The following CAMKK2 variants were observed in gnomAD, a reference collection of about 807,000 sequenced individuals.
CAMKK2 encodes calcium/calmodulin-dependent protein kinase kinase 2.
CAMKK2 carries 30 observed loss-of-function variants against 67.2 expected under a neutral mutation model. The ratio of observed to expected loss-of-function variants is 0.45; its 90% confidence interval spans 0.33 to 0.61. The LOEUF (loss-of-function observed/expected upper bound fraction) is 0.61. CAMKK2 is among the 20% of genes least tolerant of loss of function. CAMKK2 has a pLI of 0.02. For synonymous variants in CAMKK2, 322 were observed against 326.2 expected (o/e 0.99, Z 0.14); for missense variants, 643 against 802.0 (o/e 0.80, Z 2.39).
At chr12:121,297,535 T>G (rs749219328), upstream of CAMKK2, 11 of 498,914 alleles carry the variant, frequency 2.2e-5, no homozygotes, top group Non-Finnish European at 4.0e-5. Flanking sequence ...TTTTTGGCAC[T>G]TACTTTGCTG....
intron 14 of CAMKK2, 105 bp downstream of exon 14, chr12:121,248,501 C>T (rs543187329): frequency 5.9e-6 from 8 of 1,366,946 alleles, no homozygotes; most frequent in Non-Finnish European, 8.2e-6. Context: ...GGGTGGCCCC[C>T]GGACATCTGA....
Position 121,240,705 on chromosome 12 carries a change from G to C in CAMKK2, c.1761C>G (p.Pro587=), listed in dbSNP as rs760249050. Residue 587 remains proline (P), a synonymous_variant, in exon 17 of 17, where the codon CCC becomes CCG. Coordinates refer to ENST00000404169, the MANE Select transcript of CAMKK2 (RefSeq NM_001270485.2). The surrounding 1 kb of genome is among the most constrained non-coding windows in gnomAD (Gnocchi z 4.4). ...GGTCGAGCGATCCAGGCAGCTACTC[G>C]GGCTCCATGGCCTCCTCCGGCCGCA... The part of the protein sequence containing the change: ...HPLRPEEAME[P]E 2 of 1,601,184 alleles carry C rather than the reference G, an allele frequency of 1.2e-6. No individual in the cohort carries two copies. The highest frequency in any genetic ancestry group is 1.7e-6 in the Non-Finnish European group (2 of 1,176,700).
Position 121,255,535 on chromosome 12 carries a change from G to T in CAMKK2, c.907+15C>A. On this transcript the variant is annotated intron_variant, in intron 9 of 16. Coordinates refer to ENST00000404169, the MANE Select transcript of CAMKK2 (RefSeq NM_001270485.2). ...CTACCCACTGGGTGAGAGCCCTCCC[G>T]CAGGCCCTGCTCACAGTACTCGATG... The T allele has an allele frequency of 6.3e-7, 1 of 1,599,146 alleles. No homozygotes were observed. Among genetic ancestry groups the T allele is most frequent in the Non-Finnish European group, 8.5e-7 (1 of 1,171,226 alleles).
intron 2 of CAMKK2, among the ~76,000 whole-genome samples, chr12:121,273,260 T>C (rs1361168094): frequency 6.6e-6 from 1 of 151,788 alleles, no homozygotes; most frequent in South Asian, 2.1e-4. Context: ...CTTACAAAGT[T>C]GGCATGGGGT....
At chr12:121,290,889 G>A (rs1054858554) in intron 1 of CAMKK2, among the ~76,000 whole-genome samples, 5 of 152,106 alleles carry the variant, frequency 3.3e-5, no homozygotes, top group Non-Finnish European at 7.4e-5. Context: ...CACTGACCTC[G>A]GCTCACTGCA....
intron 8 of CAMKK2, 29 bp downstream of exon 8, chr12:121,255,754 T>C (rs777164075): frequency 7.4e-6 from 12 of 1,613,242 alleles, no homozygotes; most frequent in Non-Finnish European, 1.0e-5. Flanking sequence ...GCTTCTTGCA[T>C]CACCCCTGCT....
intron 7 of CAMKK2, among the ~76,000 whole-genome samples, chr12:121,258,919 T>C (rs933464417): frequency 6.0e-5 from 9 of 151,258 alleles, no homozygotes; most frequent in Admixed American, 5.3e-4. Flanking sequence ...CTTGGCTCAC[T>C]GCAACCTCCG....
chr12:121,241,724 T>A, intron 16 of CAMKK2, among the ~76,000 whole-genome samples: 1 of 152,238 alleles, frequency 6.6e-6, no homozygotes, highest in Non-Finnish European at 1.5e-5. Flanking sequence ...AAGCGTGATG[T>A]CTGGCTTGCT....
intron 1 of CAMKK2, among the ~76,000 whole-genome samples, chr12:121,284,060 ACGGCCCACGCCCTCCCCT>A (rs1234947050): frequency 2.0e-5 from 3 of 152,328 alleles, no homozygotes; most frequent in South Asian, 2.1e-4. Context: ...GCTGCCTGCC[ACGGCCCACGCCCTCCCCT>A]CGGCCCACAT....
In CAMKK2 at chr12:121,250,029, T is replaced by A; in HGVS notation, c.1167A>T (p.Pro389=). The change falls in exon 12 of 17, where the codon CCA becomes CCT. Residue 389 remains proline (P), a synonymous_variant. Transcript: ENST00000404169. ...TLYCFVFGQC[P]FMDERIMCLH... is the part of the protein sequence containing the mutation. ...AACACATGATCCGCTCGTCCATGAA[T>A]GGGCACTGCAAAGAGGCCAGGGACA... 1 of 1,612,338 alleles carries A rather than the reference T, an allele frequency of 6.2e-7. No individual in the cohort carries two copies. Among genetic ancestry groups the A allele is most frequent in the Non-Finnish European group, 8.5e-7 (1 of 1,179,168 alleles).
intron 6 of CAMKK2, among the ~76,000 whole-genome samples, chr12:121,260,952 C>CAA (rs1056645998): frequency 0.011 from 1,019 of 91,990 alleles, 16 homozygotes; most frequent in African/African-American, 0.035. Flanking sequence ...GACTCTGTCT[C>CAA]AAAAAAAAAA....
At chr12:121,263,992 A>T in intron 5 of CAMKK2, 53 bp from the exon 6 acceptor site, 1 of 1,483,646 alleles carries the variant, frequency 6.7e-7, no homozygotes, top group South Asian at 1.3e-5. Context: ...TTTCCTCCGC[A>T]GAGGGCAGCT....
At chr12:121,294,409 A>C (rs1049893323) in intron 1 of CAMKK2, among the ~76,000 whole-genome samples, 1 of 152,224 alleles carries the variant, frequency 6.6e-6, no homozygotes, top group Non-Finnish European at 1.5e-5. Flanking sequence ...CCGGATGAGA[A>C]CTAGTGCATT....
chr12:121,291,795 C>T (rs1174812099), intron 1 of CAMKK2, among the ~76,000 whole-genome samples: 2 of 152,128 alleles, frequency 1.3e-5, no homozygotes, highest in Non-Finnish European at 2.9e-5. Flanking sequence ...TGGTGGCTCA[C>T]GCCTGTAATC....
At chr12:121,255,337 TA>T (rs1891951837) in intron 9 of CAMKK2, among the ~76,000 whole-genome samples, 1 of 26,030 alleles carries the variant, frequency 3.8e-5, no homozygotes, top group African/African-American at 1.5e-4. Context: ...TAATTATATA[TA>T]ATTTTATATA....
chr12:121,248,412 T>A (rs1459445566), intron 14 of CAMKK2, among the ~76,000 whole-genome samples, 194 bp downstream of exon 14: 1 of 152,170 alleles, frequency 6.6e-6, no homozygotes, highest in Non-Finnish European at 1.5e-5. Flanking sequence ...TATGGTAACA[T>A]GGAACCTGGC....
rs1888081689 is a variant in CAMKK2, at chr12:121,240,149, T to A, written c.*550A>T. 3 of 390,342 alleles carry A rather than the reference T, an allele frequency of 7.7e-6. No individual in the cohort carries two copies. The East Asian group carries it at 1.2e-4, about 16-fold the overall frequency. The allele number at this position is 390,342 out of a possible 1,614,324, so 24.2% of individuals were successfully genotyped here. ...TTTAAAAATCCTTCTTACAAATAAG[T>A]TGCATCAAAGCTCCCTGCAGCTACT... On this transcript the variant is annotated 3_prime_UTR_variant, in exon 17 of 17. Coordinates refer to ENST00000404169, the MANE Select transcript of CAMKK2 (RefSeq NM_001270485.2). This position sits in a 1 kb window ranked among gnomAD's most constrained non-coding sequence, Gnocchi z 4.4.
Position 121,255,602 on chromosome 12 carries a change from A to C in CAMKK2, c.855T>G (p.Ser285=). ...VMEVPTLKPL[S]EDQARFYFQD... Reference sequence around the variant, plus strand: ...GGAAGTAGAAACGGGCCTGGTCTTCAGAGAGTGGTTTGAGGGTGGGCACTT... The same window carrying C: ...GGAAGTAGAAACGGGCCTGGTCTTCCGAGAGTGGTTTGAGGGTGGGCACTT... The change falls in exon 9 of 17, where the codon TCT becomes TCG. Residue 285 remains serine, a synonymous_variant. Coordinates refer to ENST00000404169, the MANE Select transcript of CAMKK2 (RefSeq NM_001270485.2). 6.2e-7 allele frequency: 1 copy of C among 1,613,008 alleles called. No homozygotes were observed. Among genetic ancestry groups the C allele is most frequent in the South Asian group, 1.1e-5 (1 of 90,918 alleles).
intron 15 of CAMKK2, 130 bp from the exon 16 acceptor site, chr12:121,244,745 T>G: frequency 1.4e-6 from 1 of 732,736 alleles, no homozygotes; most frequent in Middle Eastern, 2.4e-4. Context: ...CAGGGTGGCG[T>G]TGACAGCAGA....
Sources: gnomAD v4.1 joint callset for allele counts (sites outside exome capture counted in the v4.1 genomes callset) on GRCh38, gnomAD v4.1.1 for gene constraint, Gnocchi (gnomAD v3.1) non-coding constraint, MANE v1.5 for transcripts, NCBI Gene and HGNC (gene_info 2026-07-23, HGNC 2026-07-21) for gene names.